GALNTL5: variants seen among roughly 807,000 people sequenced by gnomAD.
The protein encoded by GALNTL5 is polypeptide N-acetylgalactosaminyltransferase like 5.
A neutral mutation model predicts 51.0 loss-of-function variants in GALNTL5; 44 were observed. The observed-to-expected ratio is 0.86, with a 90% CI of 0.68 to 1.11. The LOEUF is 1.11. GALNTL5 is among the 50% of genes least tolerant of loss of function. The probability of loss-of-function intolerance (pLI) is 0.00; values close to 1 mark genes in which losing one functional copy is unlikely to be tolerated. For missense variants in GALNTL5, 528 were observed against 531.8 expected (o/e 0.99, Z 0.07); for synonymous variants, 192 against 182.8 (o/e 1.05, Z -0.41).
At chr7:152,015,343 C>T (rs1374941905) in intron 8 of GALNTL5, among the ~76,000 whole-genome samples, 7 of 151,200 alleles carry the variant, frequency 4.6e-5, no homozygotes, top group South Asian at 2.1e-4. Context: ...CTCCTTGCCC[C>T]GTCCCCATGT....
At chr7:151,967,552 T>C (rs1251629244) in intron 2 of GALNTL5, 59 bp downstream of exon 2, 4 of 1,481,710 alleles carry the variant, frequency 2.7e-6, no homozygotes, top group Non-Finnish European at 2.8e-6. Flanking sequence ...CAACAATATT[T>C]AATATTTGGA....
At position 152,008,137 on chromosome 7, in the gene GALNTL5, G is replaced by C. The variant is rs1033625452; in HGVS notation, c.1026+193G>C. Among the ~76,000 whole-genome samples the C allele has an allele frequency of 1.2e-4, 18 of 152,116 alleles. No homozygotes were observed. In the East Asian group the frequency reaches 3.1e-3, roughly 26 times the overall value. ...TAATAAAATATTAGATTCTTGGCCT[G>C]GTGTGGTGGCTCATGCCTGTAATCT... On this transcript the variant is annotated intron_variant, in intron 7 of 8. Transcript: ENST00000392800.
chr7:151,982,047 TA>T (rs1228962289), intron 3 of GALNTL5, among the ~76,000 whole-genome samples: 3 of 152,090 alleles, frequency 2.0e-5, no homozygotes, highest in Admixed American at 2.0e-4. Flanking sequence ...AAATAATAAT[TA>T]ATAACTAATA....
intron 5 of GALNTL5, among the ~76,000 whole-genome samples, chr7:151,990,412 C>G (rs907563759): frequency 4.0e-5 from 6 of 150,998 alleles, no homozygotes; most frequent in Non-Finnish European, 8.8e-5. Context: ...AACCCCTTCT[C>G]TACTAAAAAT....
chr7:152,011,914 G>A (rs2081742753), intron 7 of GALNTL5, among the ~76,000 whole-genome samples: 1 of 152,194 alleles, frequency 6.6e-6, no homozygotes, highest in African/African-American at 2.4e-5. Flanking sequence ...AAACTGAGTG[G>A]TTGAGAACAA....
chr7:152,017,570 A>C (rs1002098624), intron 8 of GALNTL5, among the ~76,000 whole-genome samples: 4 of 152,346 alleles, frequency 2.6e-5, no homozygotes, highest in Admixed American at 1.3e-4. Flanking sequence ...TTGTGCATGA[A>C]TAATCAGATA....
intron 3 of GALNTL5, among the ~76,000 whole-genome samples, chr7:151,977,818 C>T (rs1262041769): frequency 6.6e-6 from 1 of 152,098 alleles, no homozygotes; most frequent in Non-Finnish European, 1.5e-5. Flanking sequence ...TGTAATAAAA[C>T]TTTATTCCAC....
chr7:151,974,353 G>C (rs541292428), intron 3 of GALNTL5, among the ~76,000 whole-genome samples: 1 of 152,292 alleles, frequency 6.6e-6, no homozygotes, highest in East Asian at 1.9e-4. Flanking sequence ...CTATGTTGTA[G>C]TGTGTATGTG....
intron 1 of GALNTL5, among the ~76,000 whole-genome samples, chr7:151,966,826 T>G (rs1488512167): frequency 1.3e-5 from 2 of 152,196 alleles, no homozygotes; most frequent in Non-Finnish European, 2.9e-5. Flanking sequence ...TGATTGTGTG[T>G]TTTTACATTT....
Position 152,019,919 on chromosome 7 carries a change from AT to A in GALNTL5, c.*119del. On this transcript the variant is annotated 3_prime_UTR_variant, in exon 9 of 9. Transcript: ENST00000392800. ...AATTACGTGAAATGCAATTAAAAAA[AT>A]ATGACCAGACGTGAGTGCCTTTATT... The A allele has an allele frequency of 1.2e-6, 1 of 848,630 alleles. No individual in the cohort carries two copies. Among genetic ancestry groups the A allele is most frequent in the South Asian group, 1.9e-5 (1 of 52,908 alleles). 52.6% of individuals were successfully genotyped at this position (848,630 alleles called of 1,614,324 possible).
Position 152,019,768 on chromosome 7 carries a change from C to T in GALNTL5, c.1299C>T (p.Phe433=). 1.2e-6 allele frequency: 2 copies of T among 1,613,524 alleles called. No individual in the cohort carries two copies. The highest frequency in any genetic ancestry group is 1.3e-5 in the African/African-American group (1 of 74,990). ...KSFQWYLDNV[F]PELEASVNSL ...TTCAGTGGTATTTGGATAATGTCTTCCCAGAGTTGGAGGCATCTGTGAACA... is the reference window on the plus strand; with the variant it reads ...TTCAGTGGTATTTGGATAATGTCTTTCCAGAGTTGGAGGCATCTGTGAACA... Residue 433 remains phenylalanine (F), a synonymous_variant, in exon 9 of 9, where the codon TTC becomes TTT. Coordinates refer to ENST00000392800, the MANE Select transcript of GALNTL5 (RefSeq NM_145292.4).
rs186245702 is a variant in GALNTL5, at chr7:151,971,246, T to C, written c.368+181T>C. Among the ~76,000 whole-genome samples, 598 of 152,286 alleles carry C rather than the reference T, an allele frequency of 3.9e-3. 4 individuals are homozygous for C. The highest frequency in any genetic ancestry group is 0.014 in the Middle Eastern group (4 of 294). ...TAATGTCAAGATTCTATTTCAAGATTCTAATGCTTATAGTGTAGAGAATGT... is the reference window on the plus strand; with the variant it reads ...TAATGTCAAGATTCTATTTCAAGATCCTAATGCTTATAGTGTAGAGAATGT... On this transcript the variant is annotated intron_variant, in intron 3 of 8. Transcript: ENST00000392800.
intron 1 of GALNTL5, among the ~76,000 whole-genome samples, chr7:151,962,976 G>A (rs991679238): frequency 6.6e-6 from 1 of 152,068 alleles, no homozygotes; most frequent in East Asian, 1.9e-4. Flanking sequence ...CCAAAAAAAA[G>A]AATACATGGA....
chr7:151,994,761 AAT>A (rs1491452732), intron 5 of GALNTL5, among the ~76,000 whole-genome samples: 1 of 32,040 alleles, frequency 3.1e-5, no homozygotes, highest in African/African-American at 7.7e-5. Flanking sequence ...CCTTACCCCC[AAT>A]TTTTTTTTTT....
intron 3 of GALNTL5, among the ~76,000 whole-genome samples, chr7:151,982,633 GCA>G (rs2081307401): frequency 7.0e-6 from 1 of 141,968 alleles, no homozygotes; most frequent in African/African-American, 2.6e-5. Flanking sequence ...CATGGTGACA[GCA>G]AAAAAAAAAA....
chr7:152,006,583 A>G (rs763886687), intron 6 of GALNTL5, among the ~76,000 whole-genome samples: 7 of 152,068 alleles, frequency 4.6e-5, no homozygotes, highest in Admixed American at 2.6e-4. Flanking sequence ...GCATCTTACT[A>G]CCTACATTGC....
intron 4 of GALNTL5, among the ~76,000 whole-genome samples, chr7:151,985,498 C>T (rs2081350058): frequency 6.6e-6 from 1 of 152,188 alleles, no homozygotes; most frequent in Non-Finnish European, 1.5e-5. Flanking sequence ...TTCAACAAAA[C>T]CCTGTCTGTC....
chr7:152,002,796 C>T lies in GALNTL5; in HGVS notation c.741C>T (p.Asp247=), dbSNP rs1300101955. Residue 247 remains aspartate (D), a synonymous_variant, in exon 6 of 9, where the codon GAC becomes GAT. Transcript: ENST00000392800. The part of the protein sequence containing the change: ...LEPLLHAIAK[D]PKMVVCPLID... ...CCCTGCTGCATGCCATTGCCAAGGA[C>T]CCCAAAATGGTGGTGTGCCCCCTGA... 3.1e-6 allele frequency: 5 copies of T among 1,613,974 alleles called. No homozygotes were observed. The highest frequency in any genetic ancestry group is 2.2e-5 in the East Asian group (1 of 44,884).
intron 6 of GALNTL5, among the ~76,000 whole-genome samples, chr7:152,003,895 T>A (rs1268567080): frequency 2.0e-5 from 3 of 152,194 alleles, no homozygotes; most frequent in Non-Finnish European, 2.9e-5. Flanking sequence ...GTATTCCTAA[T>A]ATTTATTTGC....
Sources: gnomAD v4.1 joint callset for allele counts (sites outside exome capture counted in the v4.1 genomes callset) on GRCh38, gnomAD v4.1.1 for gene constraint, MANE v1.5 for transcripts, NCBI Gene and HGNC (gene_info 2026-07-23, HGNC 2026-07-21) for gene names.